Variants in EBF3 observed in about 807,000 individuals in gnomAD.
EBF3 encodes the protein transcription factor COE3.
A neutral mutation model predicts 77.1 loss-of-function variants in EBF3; 18 were observed. The observed-to-expected ratio is 0.23, with a 90% CI of 0.16 to 0.35. The LOEUF (loss-of-function observed/expected upper bound fraction) is 0.35, where lower values mean the gene tolerates loss of function less well. Among genes scored for constraint, EBF3 ranks in the 10% least tolerant of loss-of-function variants. The pLI, the probability that EBF3 is intolerant of heterozygous loss-of-function variation, is 1.00. For synonymous variants in EBF3, 350 were observed against 343.5 expected (o/e 1.02, Z -0.21); for missense variants, 558 against 860.0 (o/e 0.65, Z 4.39).
intron 6 of EBF3, among the ~76,000 whole-genome samples, chr10:129,907,127 G>A (rs976435009): frequency 6.6e-6 from 1 of 152,222 alleles, no homozygotes; most frequent in South Asian, 2.1e-4. Context: ...CAGAGAAGGG[G>A]GAAGCGGCTG....
Position 129,852,735 on chromosome 10 carries a change from A to T in EBF3, c.1040-4255T>A, listed in dbSNP as rs561857749. Reference sequence around the variant, plus strand: ...AGAAAAAAAGAAAAATTCGGATTGGAAAACATACACGTTTGGGGCCAGTGA... The same window carrying T: ...AGAAAAAAAGAAAAATTCGGATTGGTAAACATACACGTTTGGGGCCAGTGA... On this transcript the variant is annotated intron_variant, in intron 10 of 16. Coordinates refer to ENST00000440978, the MANE Select transcript of EBF3 (RefSeq NM_001375380.1). Among the ~76,000 whole-genome samples the T allele has an allele frequency of 3.3e-5, 5 of 152,338 alleles. No individual in the cohort carries two copies. In the South Asian group the frequency reaches 1.0e-3, roughly 32 times the overall value.
rs1379916742 is a variant in EBF3 at position 129,885,887 on chromosome 10, G to A, written c.555-8038C>T. 6.6e-6 allele frequency among the ~76,000 whole-genome samples: 1 copy of A among 152,132 alleles called. No homozygotes were observed. Among genetic ancestry groups the A allele is most frequent in the Non-Finnish European group, 1.5e-5 (1 of 68,032 alleles). ...AGTGCCTATGCTTATCCCAACTTAG[G>A]GTTTCAAGCCTCTCCCACCATACGC... On this transcript the variant is annotated intron_variant, in intron 6 of 16. Coordinates refer to ENST00000440978, the MANE Select transcript of EBF3 (RefSeq NM_001375380.1). This position sits in a 1 kb window ranked among gnomAD's most constrained non-coding sequence, Gnocchi z 4.0.
At chr10:129,905,411 C>T (rs536232046) in intron 6 of EBF3, among the ~76,000 whole-genome samples, 1 of 149,502 alleles carries the variant, frequency 6.7e-6, no homozygotes, top group African/African-American at 2.6e-5. Flanking sequence ...GGAAAAAATT[C>T]TTTCTTATAT....
chr10:129,951,355 C>T (rs868385362), intron 6 of EBF3, among the ~76,000 whole-genome samples: 13 of 152,234 alleles, frequency 8.5e-5, no homozygotes, highest in African/African-American at 2.7e-4. Flanking sequence ...GCTGCCGCAG[C>T]GGTGCAGGAT....
intron 3 of EBF3, 136 bp downstream of exon 3, chr10:129,962,806 G>T: frequency 1.0e-6 from 1 of 997,046 alleles, no homozygotes; most frequent in Non-Finnish European, 1.5e-6. Flanking sequence ...TTTATGTTTT[G>T]TTTTCCTTCT....
Position 129,863,993 on chromosome 10 carries a change from A to C in EBF3, c.1039+3148T>G, listed in dbSNP as rs1851819984. ...GGAGGAAATCCCTGAAGCTTCGGGC[A>C]GCCAGGACCCTGAGCTTGTGCCTGA... On this transcript the variant is annotated intron_variant, in intron 10 of 16. Coordinates refer to ENST00000440978, the MANE Select transcript of EBF3 (RefSeq NM_001375380.1). This position sits in a 1 kb window ranked among gnomAD's most constrained non-coding sequence, Gnocchi z 4.0. Among the ~76,000 whole-genome samples the C allele has an allele frequency of 6.6e-6, 1 of 152,158 alleles. No individual in the cohort carries two copies. Among genetic ancestry groups the C allele is most frequent in the Non-Finnish European group, 1.5e-5 (1 of 68,028 alleles).
chr10:129,849,006 G>A (rs1452495914), intron 10 of EBF3, among the ~76,000 whole-genome samples: 1 of 152,154 alleles, frequency 6.6e-6, no homozygotes, highest in East Asian at 1.9e-4. Context: ...ACTGATGTAG[G>A]GCACTATCAT....
chr10:129,957,619 C>T (rs958480105), intron 5 of EBF3, among the ~76,000 whole-genome samples: 1 of 152,158 alleles, frequency 6.6e-6, no homozygotes, highest in Admixed American at 6.5e-5. Context: ...TTTGTCTTTG[C>T]AATGAACTGA....
chr10:129,877,902 C>G (rs1852906556), intron 6 of EBF3, 53 bp from the exon 7 acceptor site: 6 of 1,461,884 alleles, frequency 4.1e-6, no homozygotes, highest in Non-Finnish European at 2.8e-6. Flanking sequence ...ACAAAAGACT[C>G]AAACTTTTTA....
chr10:129,883,007 T>G, intron 6 of EBF3, among the ~76,000 whole-genome samples: 1 of 152,198 alleles, frequency 6.6e-6, no homozygotes, highest in East Asian at 1.9e-4. Flanking sequence ...CCCTGGTGAT[T>G]GAAGAGAAAA....
At chr10:129,942,514 G>A (rs1365714177) in intron 6 of EBF3, among the ~76,000 whole-genome samples, 1 of 152,154 alleles carries the variant, frequency 6.6e-6, no homozygotes, top group African/African-American at 2.4e-5. Context: ...CACGCTGTAG[G>A]GACAGCTGTG....
At chr10:129,945,322 C>G (rs1177517763) in intron 6 of EBF3, among the ~76,000 whole-genome samples, 1 of 152,174 alleles carries the variant, frequency 6.6e-6, no homozygotes, top group Non-Finnish European at 1.5e-5. Context: ...TTTCAGATAA[C>G]CATCCCTCGA....
chr10:129,850,289 T>C (rs75924714), intron 10 of EBF3, among the ~76,000 whole-genome samples: 1,583 of 152,346 alleles, frequency 0.01, 30 homozygotes, highest in African/African-American at 0.035. Flanking sequence ...ATAGACGCTT[T>C]AATGCAAGCT....
chr10:129,858,300 C>A (rs1851393769), intron 10 of EBF3, among the ~76,000 whole-genome samples: 1 of 152,012 alleles, frequency 6.6e-6, no homozygotes, highest in African/African-American at 2.4e-5. Flanking sequence ...TAGCCTATGG[C>A]CTGTTTACAG....
Position 129,935,183 on chromosome 10 carries a change from A to G in EBF3, c.554+22075T>C, listed in dbSNP as rs1178006968. On this transcript the variant is annotated intron_variant, in intron 6 of 16. Coordinates refer to ENST00000440978, the MANE Select transcript of EBF3 (RefSeq NM_001375380.1). This position sits in a 1 kb window ranked among gnomAD's most constrained non-coding sequence, Gnocchi z 4.2. The stretch of plus-strand genomic sequence containing the variant: ...CTCCACTCCAGCCAAATGTAGCCAC[A>G]TTGTGAGCTGCTTCTCACAGGGGAG... Among the ~76,000 whole-genome samples the G allele has an allele frequency of 1.3e-5, 2 of 152,152 alleles. No individual in the cohort carries two copies. The highest frequency in any genetic ancestry group is 2.9e-5 in the Non-Finnish European group (2 of 68,010).
chr10:129,916,288 G>T (rs1855882366), intron 6 of EBF3, among the ~76,000 whole-genome samples: 2 of 152,202 alleles, frequency 1.3e-5, no homozygotes, highest in African/African-American at 4.8e-5. Context: ...TGTGACCCTG[G>T]ACAAGCCACG....
intron 6 of EBF3, among the ~76,000 whole-genome samples, chr10:129,903,165 A>G (rs1854907244): frequency 6.6e-6 from 1 of 152,250 alleles, no homozygotes; most frequent in Admixed American, 6.5e-5. Context: ...TTCCACTAGT[A>G]TTAGATGGAA....
rs1210753959 is a variant in EBF3 at position 129,861,616 on chromosome 10, C to T, written c.1039+5525G>A. Among the ~76,000 whole-genome samples the T allele has an allele frequency of 7.9e-5, 12 of 152,210 alleles. No individual in the cohort carries two copies. Among genetic ancestry groups the T allele is most frequent in the Admixed American group, 4.6e-4 (7 of 15,292 alleles). On this transcript the variant is annotated intron_variant, in intron 10 of 16. Transcript: ENST00000440978. The surrounding 1 kb of genome is among the most constrained non-coding windows in gnomAD (Gnocchi z 4.3). ...ACACCATTGACTGGTAGGTTTGAAGCAGGACAGCCAGTGTGGCTGCAGGAG... is the reference window on the plus strand; with the variant it reads ...ACACCATTGACTGGTAGGTTTGAAGTAGGACAGCCAGTGTGGCTGCAGGAG...
intron 10 of EBF3, among the ~76,000 whole-genome samples, chr10:129,854,645 A>C (rs1161026499): frequency 6.6e-6 from 1 of 152,256 alleles, no homozygotes; most frequent in African/African-American, 2.4e-5. Context: ...ATATTGTAAA[A>C]TGAAGATCAA....
Sources: allele counts gnomAD v4.1 joint callset (sites outside exome capture counted in the v4.1 genomes callset), GRCh38; gene constraint gnomAD v4.1.1; non-coding constraint Gnocchi (gnomAD v3.1); transcripts MANE v1.5; gene names NCBI Gene and HGNC (gene_info 2026-07-23, HGNC 2026-07-21).